The following EPHX2 variants were observed in gnomAD, a reference collection of about 807,000 sequenced individuals.
EPHX2 encodes the protein epoxide hydrolase 2, also known as bifunctional epoxide hydrolase 2.
EPHX2 carries 74 observed loss-of-function variants against 78.7 expected under a neutral mutation model. That is an observed-to-expected ratio of 0.94 (90% confidence interval 0.78 to 1.14). The LOEUF (loss-of-function observed/expected upper bound fraction) is 1.14. EPHX2 is among the 50% of genes most tolerant of loss of function. EPHX2 has a pLI of 0.00. For synonymous variants in EPHX2, 251 were observed against 255.2 expected (o/e 0.98, Z 0.16); for missense variants, 715 against 702.5 (o/e 1.02, Z -0.20).
intron 7 of EPHX2, 121 bp from the exon 8 acceptor site, chr8:27,516,199 T>TAGTG: frequency 5.1e-6 from 5 of 984,456 alleles, no homozygotes; most frequent in Non-Finnish European, 7.9e-6. Context: ...AGTTACCGGG[T>TAGTG]AGTGCCCTGT....
intron 1 of EPHX2, 30 bp from the exon 2 acceptor site, chr8:27,500,896 A>T (rs779884282): frequency 1.3e-6 from 2 of 1,594,260 alleles, no homozygotes; most frequent in South Asian, 2.2e-5. Context: ...AAATCCACAG[A>T]ATGTTCCTGA....
chr8:27,521,036 A>G, intron 10 of EPHX2, 127 bp downstream of exon 10: 2 of 1,076,772 alleles, frequency 1.9e-6, no homozygotes, highest in Non-Finnish European at 2.8e-6. Flanking sequence ...AGTTTAGGGC[A>G]GAGTGGGCAT....
At chr8:27,547,026 T>G (rs1000704359), downstream of EPHX2, among the ~76,000 whole-genome samples, 1 of 152,052 alleles carries the variant, frequency 6.6e-6, no homozygotes, top group Non-Finnish European at 1.5e-5. Flanking sequence ...CTACACACTT[T>G]TATAAACAAC....
Position 27,538,645 on chromosome 8 carries a change from T to C in EPHX2, c.1243-14T>C, listed in dbSNP as rs566945873. The C allele has an allele frequency of 2.5e-6, 4 of 1,608,418 alleles. No homozygotes were observed. Among genetic ancestry groups the C allele is most frequent in the Admixed American group, 3.4e-5 (2 of 59,496 alleles). ...CATGACATCATTTGTAACTCTTTTC[T>C]TTTCTTCCTTCAGAGTGTTTTATCC... On this transcript the variant is annotated splice_polypyrimidine_tract_variant and intron_variant, in intron 13 of 18. Transcript: ENST00000521400.
At position 27,544,749 on chromosome 8, in the gene EPHX2, C is replaced by T. The variant is rs554282739; in HGVS notation, c.*227C>T. 3.9e-5 allele frequency: 22 copies of T among 568,776 alleles called. No homozygotes were observed. The highest frequency in any genetic ancestry group is 3.5e-4 in the South Asian group (16 of 45,298). 35.2% of individuals were successfully genotyped at this position (568,776 alleles called of 1,614,324 possible). A position where few individuals can be genotyped will look rare whatever the true frequency, so the allele number is the denominator to read the frequency against. ...ATTAGTTCTCCAGGCATGAATGCAT[C>T]GTCCCTTTATCTGTAAGAACCCTTA... On this transcript the variant is annotated 3_prime_UTR_variant, in exon 19 of 19. Coordinates refer to ENST00000521400, the MANE Select transcript of EPHX2 (RefSeq NM_001979.6).
chr8:27,522,544 GC>G, intron 11 of EPHX2, 36 bp downstream of exon 11: 1 of 1,600,308 alleles, frequency 6.2e-7, no homozygotes, highest in Non-Finnish European at 8.6e-7. Flanking sequence ...TTTGGAGGAG[GC>G]TGGACTTGAA....
chr8:27,518,215 T>A, intron 9 of EPHX2, 143 bp downstream of exon 9: 1 of 663,472 alleles, frequency 1.5e-6, no homozygotes. Context: ...TGAACAGTAT[T>A]TCCAAATGAT....
At chr8:27,538,560 A>G (rs2132795759) in intron 13 of EPHX2, 99 bp from the exon 14 acceptor site, 5 of 1,145,892 alleles carry the variant, frequency 4.4e-6, no homozygotes, top group Non-Finnish European at 6.3e-6. Context: ...AGATGAGCAT[A>G]TTTCCTTTGT....
chr8:27,501,376 TTC>T (rs1491248869), intron 2 of EPHX2, among the ~76,000 whole-genome samples: 1 of 128,848 alleles, frequency 7.8e-6, no homozygotes, highest in African/African-American at 3.1e-5. Context: ...CTTCTTCTTC[TTC>T]TTCTTCTTCT....
intron 15 of EPHX2, among the ~76,000 whole-genome samples, chr8:27,541,171 A>G (rs950379297): frequency 6.6e-6 from 1 of 152,102 alleles, no homozygotes; most frequent in Non-Finnish European, 1.5e-5. Flanking sequence ...CCAGCCTCCA[A>G]GGTGACACGA....
In EPHX2 at chr8:27,534,124, A is replaced by G. The variant is rs532176307; in HGVS notation, c.1171-2660A>G. On this transcript the variant is annotated intron_variant, in intron 12 of 18. Coordinates refer to ENST00000521400, the MANE Select transcript of EPHX2 (RefSeq NM_001979.6). ...CCATGACCTAAATGTGCTTCTTCCC[A>G]TGGCTATTTCTCACTGTGGCATTCA... 1.4e-4 allele frequency among the ~76,000 whole-genome samples: 21 copies of G among 152,222 alleles called. 1 individual carries two copies. The highest frequency in any genetic ancestry group is 5.1e-4 in the African/African-American group (21 of 41,478).
chr8:27,525,490 G>A lies in EPHX2; in HGVS notation c.1170+17G>A. The stretch of plus-strand genomic sequence containing the variant: ...CAAGAACCAGTAAGTATGGCACCAA[G>A]GGCAACAATGGGAGCATTAGTGTTT... On this transcript the variant is annotated intron_variant, in intron 12 of 18. Coordinates refer to ENST00000521400, the MANE Select transcript of EPHX2 (RefSeq NM_001979.6). 1 of 1,583,368 alleles carries A rather than the reference G, an allele frequency of 6.3e-7. No individual in the cohort carries two copies. The highest frequency in any genetic ancestry group is 8.7e-7 in the Non-Finnish European group (1 of 1,151,968).
intron 1 of EPHX2, among the ~76,000 whole-genome samples, chr8:27,498,079 C>T (rs1022938746): frequency 2.0e-5 from 3 of 152,280 alleles, no homozygotes; most frequent in Middle Eastern, 3.4e-3. Context: ...TAAGTGAGGT[C>T]GAAGGTTTGC....
chr8:27,522,886 A>C (rs72475890), intron 11 of EPHX2, among the ~76,000 whole-genome samples: 1 of 143,068 alleles, frequency 7.0e-6, no homozygotes, highest in African/African-American at 2.6e-5. Context: ...GCTTGAACCC[A>C]GGAGGTGGAG....
intron 5 of EPHX2, among the ~76,000 whole-genome samples, chr8:27,507,741 G>A (rs529372520): frequency 2.0e-4 from 30 of 152,290 alleles, no homozygotes; most frequent in African/African-American, 6.7e-4. Flanking sequence ...CAACAGACAT[G>A]TATTTTCTCA....
At chr8:27,504,485 G>A (rs909230687) in intron 3 of EPHX2, among the ~76,000 whole-genome samples, 1 of 152,176 alleles carries the variant, frequency 6.6e-6, no homozygotes, top group African/African-American at 2.4e-5. Flanking sequence ...GATTGCCAAG[G>A]CAGGTATTCT....
At chr8:27,496,501 C>A (rs1586427585) in intron 1 of EPHX2, among the ~76,000 whole-genome samples, 1 of 152,154 alleles carries the variant, frequency 6.6e-6, no homozygotes, top group East Asian at 1.9e-4. Context: ...AACAATGAAC[C>A]ATTCTGCTTC....
At chr8:27,534,161 CG>C (rs1204253229) in intron 12 of EPHX2, among the ~76,000 whole-genome samples, 6 of 152,168 alleles carry the variant, frequency 3.9e-5, no homozygotes, top group Admixed American at 2.6e-4. Context: ...CATCATGTTG[CG>C]GAAGGCCGCC....
At chr8:27,499,250 A>G (rs1232842876) in intron 1 of EPHX2, among the ~76,000 whole-genome samples, 2 of 152,210 alleles carry the variant, frequency 1.3e-5, no homozygotes, top group African/African-American at 4.8e-5. Context: ...TTTTAATTTA[A>G]TGCCACAATG....
Sources: gnomAD v4.1 joint callset for allele counts (sites outside exome capture counted in the v4.1 genomes callset) on GRCh38, gnomAD v4.1.1 for gene constraint, MANE v1.5 for transcripts, NCBI Gene and HGNC (gene_info 2026-07-23, HGNC 2026-07-21) for gene names.